The following PLPP1 variants were observed in gnomAD, a reference collection of about 807,000 sequenced individuals.
PLPP1 encodes the protein phospholipid phosphatase 1.
Under a neutral mutation model 31.2 loss-of-function variants are expected in PLPP1, and 24 were observed. The ratio of observed to expected loss-of-function variants is 0.77; its 90% CI spans 0.56 to 1.08. PLPP1 has a LOEUF of 1.08. PLPP1 is among the 50% of genes least tolerant of loss of function. PLPP1 has a pLI of 0.00. For synonymous variants in PLPP1, 146 were observed against 126.3 expected (o/e 1.16, Z -1.05); for missense variants, 319 against 342.7 (o/e 0.93, Z 0.55).
intron 1 of PLPP1, among the ~76,000 whole-genome samples, chr5:55,489,021 C>T (rs1158646007): frequency 2.0e-5 from 3 of 151,992 alleles, no homozygotes; most frequent in Non-Finnish European, 4.4e-5. Flanking sequence ...TGAAGAAACC[C>T]CATCTCTACT....
chr5:55,516,557 C>T lies in PLPP1; in HGVS notation c.58+18015G>A, dbSNP rs187897824. ...GAATAAACAAATGCCCACTATGTAA[C>T]GGTGACTGGGCCACATGCCAAGGAG... On this transcript the variant is annotated intron_variant, in intron 1 of 5. Coordinates refer to ENST00000307259, the MANE Select transcript of PLPP1 (RefSeq NM_003711.4). 7.2e-5 allele frequency among the ~76,000 whole-genome samples: 11 copies of T among 152,302 alleles called. No individual in the cohort carries two copies. In the East Asian group the frequency reaches 1.2e-3, roughly 16 times the overall value.
chr5:55,491,007 T>C lies in PLPP1; in HGVS notation c.59-15557A>G, dbSNP rs1285053929. Reference sequence around the variant, plus strand: ...CCCACTAGGATGAGGACAGTGGATGTGACGGTACTGTCATGGTACGGATAG... The same window carrying C: ...CCCACTAGGATGAGGACAGTGGATGCGACGGTACTGTCATGGTACGGATAG... On this transcript the variant is annotated intron_variant, in intron 1 of 5. Transcript: ENST00000307259. 5.0e-6 allele frequency: 8 copies of C among 1,613,286 alleles called. No homozygotes were observed. The highest frequency in any genetic ancestry group is 5.9e-6 in the Non-Finnish European group (7 of 1,179,370).
In PLPP1 at chr5:55,425,067, A is replaced by C; in HGVS notation, c.*139T>G. On this transcript the variant is annotated 3_prime_UTR_variant, in exon 6 of 6. Transcript: ENST00000307259. ...GTTAAAGGTAACTATGTACACACAA[A>C]GTGTGCATCCAAGAGGCATAGCAGC... 1 of 1,146,238 alleles carries C rather than the reference A, an allele frequency of 8.7e-7. No homozygotes were observed. The highest frequency in any genetic ancestry group is 1.2e-6 in the Non-Finnish European group (1 of 809,636). 71.0% of individuals were successfully genotyped at this position (1,146,238 alleles called of 1,614,324 possible).
intron 1 of PLPP1, among the ~76,000 whole-genome samples, chr5:55,524,051 T>C (rs1753729530): frequency 6.6e-6 from 1 of 152,194 alleles, no homozygotes; most frequent in Admixed American, 6.5e-5. Flanking sequence ...GTCTGCTTAA[T>C]AAATAAATAA....
chr5:55,502,277 A>G (rs1428568324), intron 1 of PLPP1, among the ~76,000 whole-genome samples: 1 of 152,176 alleles, frequency 6.6e-6, no homozygotes, highest in Non-Finnish European at 1.5e-5. Flanking sequence ...TCACGAGGTC[A>G]AGAGATCAAG....
intron 2 of PLPP1, among the ~76,000 whole-genome samples, chr5:55,473,426 A>C (rs1297744461): frequency 6.6e-6 from 1 of 152,340 alleles, no homozygotes; most frequent in South Asian, 2.1e-4. Context: ...AGTCTTATAA[A>C]ACAAATATCT....
intron 3 of PLPP1, among the ~76,000 whole-genome samples, chr5:55,456,109 T>C (rs761389113): frequency 5.9e-5 from 9 of 152,244 alleles, no homozygotes; most frequent in Non-Finnish European, 1.2e-4. Flanking sequence ...TAGCCCCTTT[T>C]AATTTACAGT....
In PLPP1 at chr5:55,425,344, A is replaced by G. The variant is rs1392488486; in HGVS notation, c.727-10T>C. 1.9e-6 allele frequency: 3 copies of G among 1,582,940 alleles called. No individual in the cohort carries two copies. Among genetic ancestry groups the G allele is most frequent in the Non-Finnish European group, 2.6e-6 (3 of 1,158,572 alleles). ...CCGATACATATACAGCCTACAGTGC[A>G]AAATATTTAATGGTATAATTTAGAT... On this transcript the variant is annotated splice_polypyrimidine_tract_variant and intron_variant, in intron 5 of 5. Transcript: ENST00000307259.
intron 1 of PLPP1, chr5:55,530,229 A>T (rs1484007471): frequency 7.0e-7 from 1 of 1,435,824 alleles, no homozygotes; most frequent in East Asian, 2.3e-5. Context: ...AAGATTCACA[A>T]ATTCTCCATA....
intron 1 of PLPP1, among the ~76,000 whole-genome samples, chr5:55,478,997 T>G (rs1358873165): frequency 6.6e-6 from 1 of 151,466 alleles, no homozygotes; most frequent in Non-Finnish European, 1.5e-5. Context: ...GGCCAATATT[T>G]GCCATTCCTC....
intron 1 of PLPP1, among the ~76,000 whole-genome samples, chr5:55,503,781 C>CGAAGGAGAG (rs1346490144): frequency 1.1e-4 from 13 of 122,040 alleles, no homozygotes; most frequent in African/African-American, 3.0e-4. Flanking sequence ...TGTCTCAAAA[C>CGAAGGAGAG]GAAGGAGAGG....
chr5:55,441,176 C>A (rs1751612229), intron 4 of PLPP1, among the ~76,000 whole-genome samples: 1 of 152,200 alleles, frequency 6.6e-6, no homozygotes, highest in Admixed American at 6.5e-5. Context: ...TCTCAAAAAA[C>A]TACATATTCA....
At chr5:55,516,703 CAT>C (rs1175152188) in intron 1 of PLPP1, among the ~76,000 whole-genome samples, 1 of 152,202 alleles carries the variant, frequency 6.6e-6, no homozygotes, top group Non-Finnish European at 1.5e-5. Context: ...TTCCAATGTC[CAT>C]ACTCAAACTT....
rs1179821332 is a variant in PLPP1 at position 55,425,151 on chromosome 5, G to GCAAT, written c.*51_*54dup. 24 of 1,572,506 alleles carry GCAAT rather than the reference G, an allele frequency of 1.5e-5. No individual in the cohort carries two copies. Among genetic ancestry groups the GCAAT allele is most frequent in the Admixed American group, 4.0e-5 (2 of 50,366 alleles). ...GAAAGATGCATCCTCTTGCCTTGTG[G>GCAAT]CAATCATTTTCCTTTAGAAAACAGG... On this transcript the variant is annotated 3_prime_UTR_variant, in exon 6 of 6. Transcript: ENST00000307259.
At position 55,530,424 on chromosome 5, in the gene PLPP1, T is replaced by A. The variant is rs1323899527; in HGVS notation, c.58+4148A>T. ...TGATTCTTGACACAGGGGACACTTATAAGTAGGATGACCAGAAGAACTTGT... is the reference window on the plus strand; with the variant it reads ...TGATTCTTGACACAGGGGACACTTAAAAGTAGGATGACCAGAAGAACTTGT... On this transcript the variant is annotated intron_variant, in intron 1 of 5. Transcript: ENST00000307259. 1.0e-5 allele frequency: 13 copies of A among 1,261,286 alleles called. 1 individual carries two copies. Among genetic ancestry groups the A allele is most frequent in the South Asian group, 7.2e-5 (6 of 83,734 alleles). The allele number at this position is 1,261,286 out of a possible 1,614,324, so 78.1% of individuals were successfully genotyped here.
intron 1 of PLPP1, among the ~76,000 whole-genome samples, chr5:55,533,381 C>CAA (rs35146174): frequency 3.5e-4 from 40 of 113,386 alleles, no homozygotes; most frequent in African/African-American, 1.0e-3. Context: ...AGACTGTATC[C>CAA]AAAAAAAAAA....
chr5:55,456,388 A>C lies in PLPP1; in HGVS notation c.491+11481T>G, dbSNP rs145662024. On this transcript the variant is annotated intron_variant, in intron 3 of 5. Coordinates refer to ENST00000307259, the MANE Select transcript of PLPP1 (RefSeq NM_003711.4). ...ATTGTAGGAGGATATTCTCATCCTTACATGTAACTCTGACTCATTTATACA... is the reference window on the plus strand; with the variant it reads ...ATTGTAGGAGGATATTCTCATCCTTCCATGTAACTCTGACTCATTTATACA... Among the ~76,000 whole-genome samples, 610 of 152,326 alleles carry C rather than the reference A, an allele frequency of 4.0e-3. 4 individuals carry two copies. Among genetic ancestry groups the C allele is most frequent in the African/African-American group, 0.014 (582 of 41,574 alleles).
intron 1 of PLPP1, among the ~76,000 whole-genome samples, chr5:55,533,825 A>T (rs1425515772): frequency 6.6e-6 from 1 of 152,220 alleles, no homozygotes; most frequent in Non-Finnish European, 1.5e-5. Flanking sequence ...CTTCAAAAGA[A>T]AGGAGTAACT....
At chr5:55,468,228 G>T in intron 2 of PLPP1, 79 bp from the exon 3 acceptor site, 2 of 1,321,804 alleles carry the variant, frequency 1.5e-6, no homozygotes, top group Non-Finnish European at 2.1e-6. Flanking sequence ...GGGGAAAAAA[G>T]GAAATGGTAA....
Sources: allele counts gnomAD v4.1 joint callset (sites outside exome capture counted in the v4.1 genomes callset), GRCh38; gene constraint gnomAD v4.1.1; transcripts MANE v1.5; gene names NCBI Gene and HGNC (gene_info 2026-07-23, HGNC 2026-07-21).